The following ANKRD11 variants were observed in gnomAD, a reference collection of about 807,000 sequenced individuals.
The protein encoded by ANKRD11 is ankyrin repeat domain-containing protein 11.
Under a neutral mutation model 195.7 loss-of-function variants are expected in ANKRD11, and 17 were observed. The observed-to-expected ratio is 0.09, with a 90% CI of 0.06 to 0.13. The LOEUF is 0.13. Ranked by LOEUF, ANKRD11 falls within the 10% of genes least tolerant of loss-of-function variation. The probability of loss-of-function intolerance (pLI) is 1.00; values close to 1 mark genes in which losing one functional copy is unlikely to be tolerated. For missense variants in ANKRD11, 3,735 were observed against 3,566.1 expected, an observed-to-expected ratio of 1.05 and a Z score of -1.21; for synonymous variants, 1,953 against 1,528.1, an observed-to-expected ratio of 1.28 and a Z score of -6.49.
chr16:89,436,397 A>G (rs372601606), intron 1 of ANKRD11, among the ~76,000 whole-genome samples: 141 of 147,504 alleles, frequency 9.6e-4, no homozygotes, highest in African/African-American at 3.1e-3. Context: ...CCTGGGCAAC[A>G]GAGTGAGACT....
intron 1 of ANKRD11, among the ~76,000 whole-genome samples, chr16:89,454,222 T>C (rs2056326171): frequency 1.3e-5 from 2 of 152,096 alleles, no homozygotes; most frequent in Middle Eastern, 3.4e-3. Context: ...CCAGCAAGTG[T>C]GGGCAGCTGT....
At position 89,430,963 on chromosome 16, in the gene ANKRD11, G is replaced by A. The variant is rs892198906; in HGVS notation, c.-144-12595C>T. On this transcript the variant is annotated intron_variant, in intron 1 of 12. Coordinates refer to ENST00000301030, the MANE Select transcript of ANKRD11 (RefSeq NM_013275.6). ...GAGCCTGGGAAGTGGGTGCGCAGGC[G>A]GAGAAACAGAAACGGCCACTCCAGG... is the stretch of plus-strand genomic sequence containing the variant. Among the ~76,000 whole-genome samples the A allele has an allele frequency of 7.9e-5, 12 of 152,088 alleles. No individual in the cohort carries two copies. The East Asian group carries it at 1.6e-3, about 20-fold the overall frequency.
At chr16:89,431,988 C>G (rs1046883936) in intron 1 of ANKRD11, among the ~76,000 whole-genome samples, 5 of 152,114 alleles carry the variant, frequency 3.3e-5, no homozygotes, top group African/African-American at 2.4e-5. Context: ...CAGCTCCCCC[C>G]CATCACTGTC....
At chr16:89,392,282 A>C (rs1373881879) in intron 2 of ANKRD11, 1 of 152,308 alleles carries the variant, frequency 6.6e-6, no homozygotes, top group Non-Finnish European at 1.5e-5. Context: ...AATTAAATTT[A>C]CGTTCAAGTG....
rs1474406508 is a variant in ANKRD11, at chr16:89,281,073, A to G, written c.5469T>C (p.Ser1823=). The G allele has an allele frequency of 5.0e-6, 8 of 1,607,714 alleles. No individual in the cohort carries two copies. The highest frequency in any genetic ancestry group is 6.0e-6 in the Non-Finnish European group (7 of 1,175,446). Residue 1823 remains serine, a synonymous_variant, in exon 9 of 13, where the codon TCT becomes TCC. Transcript: ENST00000301030. This position sits in a 1 kb window ranked among gnomAD's most constrained non-coding sequence, Gnocchi z 5.5. Reference sequence around the variant, plus strand: ...TGTCTTCCATCGAGGGTGGCATGGGAGAGTCGTAGCTGGAGGCAGCAGGAA... The same window carrying G: ...TGTCTTCCATCGAGGGTGGCATGGGGGAGTCGTAGCTGGAGGCAGCAGGAA... ...QSVPAASSYD[S]PMPPSMEDRA...
chr16:89,274,919 C>T lies in ANKRD11; in HGVS notation c.7608G>A (p.Arg2536=), dbSNP rs766284510. ...TGGTCCTGGCCGCCCGGCAGTGAAC[C>T]CGCAGAATCTCCTGCTCACAGGATA... ...LIVSCEQEIL[R]VHCRAARTIA... The change falls in exon 11 of 13, where the codon CGG becomes CGA. Residue 2536 remains arginine (R), a synonymous_variant. Coordinates refer to ENST00000301030, the MANE Select transcript of ANKRD11 (RefSeq NM_013275.6). 7 of 1,613,516 alleles carry T rather than the reference C, an allele frequency of 4.3e-6. No homozygotes were observed. The highest frequency in any genetic ancestry group is 5.9e-6 in the Non-Finnish European group (7 of 1,180,024).
At position 89,271,427 on chromosome 16, in the gene ANKRD11, G is replaced by C. The variant is rs1034569134; in HGVS notation, c.7714-518C>G. The C allele has an allele frequency of 1.3e-5, 3 of 224,128 alleles. No homozygotes were observed. The South Asian group carries it at 1.8e-4, about 13-fold the overall frequency. 13.9% of individuals were successfully genotyped at this position (224,128 alleles called of 1,614,324 possible). ...ATTTTGTATTTTTAGTAGAGACGGG[G>C]TTTCTCCTGGGCGAGACTTTCTAGA... On this transcript the variant is annotated intron_variant, in intron 11 of 12. Coordinates refer to ENST00000301030, the MANE Select transcript of ANKRD11 (RefSeq NM_013275.6).
chr16:89,323,191 A>C (rs1230485501), intron 2 of ANKRD11: 1 of 685,904 alleles, frequency 1.5e-6, no homozygotes, highest in Non-Finnish European at 2.2e-6. Context: ...CACACCTCAC[A>C]GGGAGAGAAG....
chr16:89,283,191 G>A lies in ANKRD11; in HGVS notation c.3351C>T (p.Asp1117=), dbSNP rs752568494. ...CGTCCTCACTCTCATCTGTGAAGATGTCTGCGATGTACCAGCTTTTCTCTT... is the reference window on the plus strand; with the variant it reads ...CGTCCTCACTCTCATCTGTGAAGATATCTGCGATGTACCAGCTTTTCTCTT... ...KGKEKSWYIA[D]IFTDESEDDR... is the part of the protein sequence containing the mutation. Residue 1117 remains aspartate (D), a synonymous_variant, in exon 9 of 13, where the codon GAC becomes GAT. Coordinates refer to ENST00000301030, the MANE Select transcript of ANKRD11 (RefSeq NM_013275.6). The surrounding 1 kb of genome is among the most constrained non-coding windows in gnomAD (Gnocchi z 4.3). 2.5e-6 allele frequency: 4 copies of A among 1,613,998 alleles called. No homozygotes were observed. Among genetic ancestry groups the A allele is most frequent in the Non-Finnish European group, 3.4e-6 (4 of 1,180,044 alleles).
chr16:89,357,789 C>G (rs2152049208), intron 2 of ANKRD11, among the ~76,000 whole-genome samples: 1 of 152,336 alleles, frequency 6.6e-6, no homozygotes, highest in Middle Eastern at 3.4e-3. Context: ...TGGGAGGAAC[C>G]ACTGCTCATC....
intron 1 of ANKRD11, among the ~76,000 whole-genome samples, chr16:89,486,115 G>A (rs1426245088): frequency 1.3e-5 from 2 of 152,068 alleles, no homozygotes; most frequent in Non-Finnish European, 2.9e-5. Context: ...TGTGAAAACT[G>A]TCTTCCCACC....
intron 4 of ANKRD11, among the ~76,000 whole-genome samples, chr16:89,304,089 G>A (rs1278132467): frequency 2.0e-5 from 3 of 152,230 alleles, no homozygotes; most frequent in Non-Finnish European, 2.9e-5. Context: ...AGAGAAGCTG[G>A]ATGACCAGGA....
At chr16:89,296,752 C>T (rs1415539609) in intron 4 of ANKRD11, among the ~76,000 whole-genome samples, 1 of 152,196 alleles carries the variant, frequency 6.6e-6, no homozygotes. Flanking sequence ...GCCGGAAGGC[C>T]GGGATGAGGA....
chr16:89,487,683 G>C (rs1350376853), intron 1 of ANKRD11, among the ~76,000 whole-genome samples: 1 of 152,096 alleles, frequency 6.6e-6, no homozygotes, highest in African/African-American at 2.4e-5. Context: ...CTGAGGCAGA[G>C]AACTGCTTGA....
At chr16:89,450,180 C>A (rs1369694703) in intron 1 of ANKRD11, among the ~76,000 whole-genome samples, 6 of 152,202 alleles carry the variant, frequency 3.9e-5, no homozygotes, top group Non-Finnish European at 5.9e-5. Flanking sequence ...TTCCTCTTAA[C>A]CTCCATACCC....
intron 2 of ANKRD11, among the ~76,000 whole-genome samples, chr16:89,359,470 G>A (rs982795015): frequency 1.3e-5 from 2 of 152,118 alleles, no homozygotes; most frequent in East Asian, 1.9e-4. Flanking sequence ...GCAGCCCCTC[G>A]GCCCCCACTG....
At chr16:89,479,986 C>T (rs2057390739) in intron 1 of ANKRD11, among the ~76,000 whole-genome samples, 1 of 151,404 alleles carries the variant, frequency 6.6e-6, no homozygotes, top group Admixed American at 6.6e-5. Flanking sequence ...TGGCACACAC[C>T]TCTAATCCCA....
At chr16:89,325,796 C>G (rs1298412088) in intron 2 of ANKRD11, among the ~76,000 whole-genome samples, 1 of 152,202 alleles carries the variant, frequency 6.6e-6, no homozygotes, top group East Asian at 1.9e-4. Flanking sequence ...TGCAAGGCCT[C>G]AGAGGTGTCA....
At chr16:89,278,813 C>G (rs912081795) in intron 9 of ANKRD11, 22 of 663,828 alleles carry the variant, frequency 3.3e-5, no homozygotes, top group Non-Finnish European at 5.0e-5. Context: ...CGGGGTGCAC[C>G]CAGGGTGAGG....
Sources: gnomAD v4.1 joint callset for allele counts (sites outside exome capture counted in the v4.1 genomes callset) on GRCh38, gnomAD v4.1.1 for gene constraint, Gnocchi (gnomAD v3.1) non-coding constraint, MANE v1.5 for transcripts, NCBI Gene and HGNC (gene_info 2026-07-23, HGNC 2026-07-21) for gene names.